The following HIRIP3 variants were observed in gnomAD, a reference collection of about 807,000 sequenced individuals.
The protein encoded by HIRIP3 is HIRA interacting protein 3.
A neutral mutation model predicts 50.3 loss-of-function variants in HIRIP3; 40 were observed. The observed-to-expected ratio is 0.79, with a 90% confidence interval of 0.62 to 1.03. The LOEUF is 1.03. HIRIP3 is among the 50% of genes least tolerant of loss of function. The pLI, the probability that HIRIP3 is intolerant of heterozygous loss-of-function variation, is 0.00. For missense variants in HIRIP3, 765 were observed against 705.4 expected (o/e 1.08, Z -0.96); for synonymous variants, 318 against 261.6 (o/e 1.22, Z -2.08).
chr16:29,993,680 C>G lies in HIRIP3; in HGVS notation c.1368G>C (p.Leu456=). The G allele has an allele frequency of 6.2e-7, 1 of 1,611,176 alleles. No homozygotes were observed. ...CTTCCAGTTCTGCCCGGAGGATACT[C>G]AGGCGCTCCTTGTGTGAGCAACAGG... is the stretch of plus-strand genomic sequence containing the variant. ...LGSCCSHKER[L]SILRAELEAL... Residue 456 remains leucine (L), a synonymous_variant, in exon 5 of 7, where the codon CTG becomes CTC. Transcript: ENST00000279392.
intron 3 of HIRIP3, 129 bp from the exon 4 acceptor site, chr16:29,994,972 C>T (rs1435408441): frequency 6.7e-7 from 1 of 1,485,618 alleles, no homozygotes; most frequent in Non-Finnish European, 9.2e-7. Context: ...TCTGTACTTG[C>T]TGTTCCCGGT....
At position 29,995,237 on chromosome 16, in the gene HIRIP3, G is replaced by GC. The variant is rs1491238960; in HGVS notation, c.187-21dup. ...ATCCACCTGTGTGTGCGCCAAGAGG[G>GC]CAAACTATGCACCAAGGCTGCGCTC... On this transcript the variant is annotated intron_variant, in intron 2 of 6. Transcript: ENST00000279392. 2 of 1,614,028 alleles carry GC rather than the reference G, an allele frequency of 1.2e-6. No individual in the cohort carries two copies. Among genetic ancestry groups the GC allele is most frequent in the Non-Finnish European group, 1.7e-6 (2 of 1,179,918 alleles).
Position 29,993,508 on chromosome 16 carries a change from C to T in HIRIP3, c.1458G>A (p.Glu486=). 1 of 1,613,946 alleles carries T rather than the reference C, an allele frequency of 6.2e-7. No homozygotes were observed. Among genetic ancestry groups the T allele is most frequent in the Non-Finnish European group, 8.5e-7 (1 of 1,179,876 alleles). ...CATCCAAGGAGGCCACCTCAGCTGC[C>T]TCCTCCCTCTGCTCCTTCAGGGCCC... ...KCRALKEQRE[E]AAEVASLDVA... The change falls in exon 6 of 7, where the codon GAG becomes GAA. Residue 486 remains glutamate (E), a synonymous_variant. Transcript: ENST00000279392.
chr16:29,994,485 C>T lies in HIRIP3; in HGVS notation c.660G>A (p.Leu220=). Residue 220 remains leucine (L), a synonymous_variant, in exon 4 of 7, where the codon CTG becomes CTA. Transcript: ENST00000279392. ...CTTCACTCTCCTGTTCACTTTCCTT[C>T]AGGCTTTTAGTTCCTTTATTTCCCT... ...KVEGNKGTKS[L]KESEQESEEE... 6.2e-7 allele frequency: 1 copy of T among 1,614,158 alleles called. No individual in the cohort carries two copies. Among genetic ancestry groups the T allele is most frequent in the Non-Finnish European group, 8.5e-7 (1 of 1,180,038 alleles).
Position 29,995,453 on chromosome 16 carries a change from G to A in HIRIP3, c.76C>T (p.His26Tyr). The A allele has an allele frequency of 6.2e-7, 1 of 1,613,686 alleles. No homozygotes were observed. Among genetic ancestry groups the A allele is most frequent in the Non-Finnish European group, 8.5e-7 (1 of 1,179,792 alleles). ...AAGTACCTCCGCCGCACGATGGAAT[G>A]CGTAAGCGTGCTGCAGGGACATGGT... ...RGRPDLSTLT[H>Y]SIVRRRYLAH... Residue 26 changes from histidine (H) to tyrosine (Y), a missense_variant, in exon 2 of 7, where the codon CAT becomes TAT. His to Tyr is a moderately conservative substitution (Grantham distance 83). Transcript: ENST00000279392.
rs896996095 is a variant in HIRIP3, at chr16:29,994,296, C to T, written c.849G>A (p.Lys283=). The T allele has an allele frequency of 1.2e-6, 2 of 1,614,196 alleles. No homozygotes were observed. The stretch of plus-strand genomic sequence containing the variant: ...CGCTGTCTGAGTCTCCCAAGAGCCT[C>T]TTTGCCTGGCTTTTCTGCTTACAGC... The part of the protein sequence containing the change: ...ERSCKQKSQA[K]RLLGDSDSEE... Residue 283 remains lysine, a synonymous_variant, in exon 4 of 7, where the codon AAG becomes AAA. Coordinates refer to ENST00000279392, the MANE Select transcript of HIRIP3 (RefSeq NM_003609.5).
At position 29,993,388 on chromosome 16, in the gene HIRIP3, C is replaced by T. The variant is rs772638811; in HGVS notation, c.1508-18G>A. The T allele has an allele frequency of 4.4e-5, 69 of 1,566,678 alleles. 1 individual carries two copies. In the Middle Eastern group the frequency reaches 2.7e-3, roughly 62 times the overall value. On this transcript the variant is annotated intron_variant, in intron 6 of 6. Transcript: ENST00000279392. ...TGGCCGGCCTAGGGGAAAGGGGAAA[C>T]GAGAGATCAGATGTCTGAGAAGGTC...
In HIRIP3 at chr16:29,995,591, C is replaced by T. The variant is rs780067094; in HGVS notation, c.15G>A (p.Lys5=). Residue 5 remains lysine (K), a synonymous_variant, in exon 1 of 7, where the codon AAG becomes AAA. Coordinates refer to ENST00000279392, the MANE Select transcript of HIRIP3 (RefSeq NM_003609.5). The part of the protein sequence containing the change: MARE[K]EMQEFTRSFF... ...AGCTACGGGTGAACTCCTGCATCTC[C>T]TTCTCCCGCGCCATTTTGCTCAACC... 13 of 1,612,026 alleles carry T rather than the reference C, an allele frequency of 8.1e-6. No individual in the cohort carries two copies. Among genetic ancestry groups the T allele is most frequent in the South Asian group, 5.5e-5 (5 of 91,006 alleles).
rs757352507 is a variant in HIRIP3 at position 29,993,774 on chromosome 16, G to C, written c.1274C>G (p.Ala425Gly). Residue 425 changes from alanine to glycine, a missense_variant, in exon 5 of 7, where the codon GCT (alanine) becomes GGT (glycine). Transcript: ENST00000279392. ...GSGRRGEDHP[A>G]VMRLKRYIRA... ...AATGTAGCGCTTCAGCCTCATCACA[G>C]CCGGGTGGTCCTCTCCACGGCGACC... 12 of 1,610,956 alleles carry C rather than the reference G, an allele frequency of 7.4e-6. No homozygotes were observed. The African/African-American group carries it at 1.5e-4, about 20-fold the overall frequency.
Position 29,993,160 on chromosome 16 carries a change from GTATGCT to G in HIRIP3, c.*41_*46del, listed in dbSNP as rs1163772525. Reference sequence around the variant, plus strand: ...ACAGACACAGGGCAAGGGGTGCTATGTATGCTTTGTACATGTATCAAGGGTCCCTCC... The same window carrying G: ...ACAGACACAGGGCAAGGGGTGCTATGTTGTACATGTATCAAGGGTCCCTCC... On this transcript the variant is annotated 3_prime_UTR_variant, in exon 7 of 7. Coordinates refer to ENST00000279392, the MANE Select transcript of HIRIP3 (RefSeq NM_003609.5). 1.3e-6 allele frequency: 2 copies of G among 1,517,476 alleles called. No individual in the cohort carries two copies. The highest frequency in any genetic ancestry group is 1.8e-6 in the Non-Finnish European group (2 of 1,127,848). 94.0% of individuals were successfully genotyped at this position (1,517,476 alleles called of 1,614,324 possible).
chr16:29,993,309 C>T lies in HIRIP3; in HGVS notation c.1569G>A (p.Leu523=), dbSNP rs760166325. The change falls in exon 7 of 7, where the codon CTG becomes CTA. Residue 523 remains leucine (L), a synonymous_variant. Coordinates refer to ENST00000279392, the MANE Select transcript of HIRIP3 (RefSeq NM_003609.5). ...CATCTGAGTCCAGGGTCCGTCGGTACAGCTCCCCTGGGGGTGCTGCTTCTC... is the reference window on the plus strand; with the variant it reads ...CATCTGAGTCCAGGGTCCGTCGGTATAGCTCCCCTGGGGGTGCTGCTTCTC... The part of the protein sequence containing the change: ...PLGEAAPPGE[L]YRRTLDSDEE... 12 of 1,542,500 alleles carry T rather than the reference C, an allele frequency of 7.8e-6. No homozygotes were observed. The highest frequency in any genetic ancestry group is 2.3e-5 in the East Asian group (1 of 44,118).
intron 4 of HIRIP3, 30 bp downstream of exon 4, chr16:29,993,876 T>C: frequency 1.9e-6 from 3 of 1,596,684 alleles, no homozygotes; most frequent in Non-Finnish European, 1.7e-6. Flanking sequence ...TCTTCCCTAA[T>C]AGTGGCCTCC....
At position 29,994,042 on chromosome 16, in the gene HIRIP3, T is replaced by C. The variant is rs2150913944; in HGVS notation, c.1103A>G (p.Glu368Gly). Reference sequence around the variant, plus strand: ...TCCCCCTGCCTCGCTGTCACTTACCTCCCTCTCCAAGTCACTTTCCTCACC... The same window carrying C: ...TCCCCCTGCCTCGCTGTCACTTACCCCCCTCTCCAAGTCACTTTCCTCACC... ...TSGEESDLER[E>G]VSDSEAGGGP... The change falls in exon 4 of 7, where the codon GAG (glutamate) becomes GGG (glycine). Residue 368 changes from glutamate to glycine, a missense_variant. Coordinates refer to ENST00000279392, the MANE Select transcript of HIRIP3 (RefSeq NM_003609.5). The C allele has an allele frequency of 1.2e-6, 2 of 1,611,828 alleles. No individual in the cohort carries two copies. The highest frequency in any genetic ancestry group is 1.1e-5 in the South Asian group (1 of 90,784).
At position 29,994,557 on chromosome 16, in the gene HIRIP3, A is replaced by C. The variant is rs1289600386; in HGVS notation, c.588T>G (p.Ser196Arg). ...GAACGGGTTCTGCCTCGCTCTCCTC[A>C]CTTTCTTCCCTGGCCTGCTTCCTAC... ...SVSRKQAREE[S>R]EESEAEPVQR... Residue 196 changes from serine to arginine, a missense_variant, in exon 4 of 7, where the codon AGT (serine) becomes AGG (arginine). Transcript: ENST00000279392. 5.0e-6 allele frequency: 8 copies of C among 1,612,758 alleles called. No homozygotes were observed. The highest frequency in any genetic ancestry group is 6.8e-6 in the Non-Finnish European group (8 of 1,179,692).
Position 29,993,960 on chromosome 16 carries a change from C to T in HIRIP3, c.1185G>A (p.Arg395=). 2 of 1,560,504 alleles carry T rather than the reference C, an allele frequency of 1.3e-6. No individual in the cohort carries two copies. Among genetic ancestry groups the T allele is most frequent in the Non-Finnish European group, 1.7e-6 (2 of 1,154,076 alleles). The part of the protein sequence containing the change: ...RSSKKSSRKG[R]TRSSSSSSDG... ...CTGAGGAGGAAGAGGAGCTTCGTGT[C>T]CTGCCTTTCCTGGAGCTCTTCTTGG... Residue 395 remains arginine (R), a synonymous_variant, in exon 4 of 7, where the codon AGG becomes AGA. Transcript: ENST00000279392.
Position 29,994,677 on chromosome 16 carries a change from T to G in HIRIP3, c.468A>C (p.Gly156=). The part of the protein sequence containing the change: ...ERQRDLPAQR[G]EESSEEEEKG... ...TTTCCTCCTCCTCACTGCTCTCCTC[T>G]CCCCTCTGTGCGGGCAGGTCCCTCT... Residue 156 remains glycine, a synonymous_variant, in exon 4 of 7, where the codon GGA becomes GGC. Coordinates refer to ENST00000279392, the MANE Select transcript of HIRIP3 (RefSeq NM_003609.5). 1 of 1,614,060 alleles carries G rather than the reference T, an allele frequency of 6.2e-7. No homozygotes were observed. Among genetic ancestry groups the G allele is most frequent in the Non-Finnish European group, 8.5e-7 (1 of 1,180,004 alleles).
chr16:29,995,251 A>T, intron 2 of HIRIP3, 34 bp from the exon 3 acceptor site: 1 of 1,613,722 alleles, frequency 6.2e-7, no homozygotes, highest in Non-Finnish European at 8.5e-7. Context: ...ACTATGCACC[A>T]AGGCTGCGCT....
rs1476342210 is a variant in HIRIP3, at chr16:29,994,520, T to C, written c.625A>G (p.Lys209Glu). 1.2e-6 allele frequency: 2 copies of C among 1,614,196 alleles called. No individual in the cohort carries two copies. Among genetic ancestry groups the C allele is most frequent in the Non-Finnish European group, 1.7e-6 (2 of 1,180,038 alleles). ...GTTCCTTTATTTCCCTCCACCTTCT[T>C]TGCTGTCCTCTGAACGGGTTCTGCC... ...SEAEPVQRTA[K>E]KVEGNKGTKS... Residue 209 changes from lysine to glutamate, a missense_variant, in exon 4 of 7, where the codon AAG becomes GAG. Physicochemically the swap from Lys to Glu is moderately conservative, Grantham distance 56 (BLOSUM62 1). Transcript: ENST00000279392.
chr16:29,993,778 G>A lies in HIRIP3; in HGVS notation c.1270C>T (p.Pro424Ser). 6.2e-7 allele frequency: 1 copy of A among 1,611,440 alleles called. No homozygotes were observed. Among genetic ancestry groups the A allele is most frequent in the Non-Finnish European group, 8.5e-7 (1 of 1,179,988 alleles). ...TAGCGCTTCAGCCTCATCACAGCCGGGTGGTCCTCTCCACGGCGACCTGAG... is the reference window on the plus strand; with the variant it reads ...TAGCGCTTCAGCCTCATCACAGCCGAGTGGTCCTCTCCACGGCGACCTGAG... ...AGSGRRGEDH[P>S]AVMRLKRYIR... The change falls in exon 5 of 7, where the codon CCG becomes TCG. Residue 424 changes from proline to serine, a missense_variant. Pro to Ser is a moderately conservative substitution (Grantham distance 74). Transcript: ENST00000279392.
Sources: allele counts gnomAD v4.1 joint callset, GRCh38; gene constraint gnomAD v4.1.1; transcripts MANE v1.5; gene names NCBI Gene and HGNC (gene_info 2026-07-23, HGNC 2026-07-21).